The following ZNF107 variants were observed in gnomAD, a reference collection of about 807,000 sequenced individuals.
ZNF107 encodes the protein C2H2 type zinc-finger protein.
A neutral mutation model predicts 12.3 loss-of-function variants in ZNF107; 19 were observed. That is an observed-to-expected ratio of 1.55 (90% confidence interval 1.08 to 2.27). ZNF107 has a LOEUF of 2.27. Among genes scored for constraint, ZNF107 ranks in the 30% most tolerant of loss-of-function variants. The pLI is 0.00. For missense variants in ZNF107, 958 were observed against 979.9 expected (o/e 0.98, Z 0.30); for synonymous variants, 317 against 330.5 (o/e 0.96, Z 0.44).
rs1790666321 is a variant in ZNF107, at chr7:64,706,828, T to C, written c.731T>C (p.Leu244Pro). The C allele has an allele frequency of 6.2e-7, 1 of 1,613,500 alleles. No homozygotes were observed. The highest frequency in any genetic ancestry group is 8.5e-7 in the Non-Finnish European group (1 of 1,179,828). Residue 244 changes from leucine (L) to proline (P), a missense_variant, in exon 4 of 4, where the codon CTT (leucine) becomes CCT (proline). Transcript: ENST00000620827. ...AAAGCCTTTAACCAGTCCTCACAAC[T>C]TACTAGGCATAAGATAATTCATACT... is the stretch of plus-strand genomic sequence containing the variant. ...CGKAFNQSSQ[L>P]TRHKIIHTEE...
chr7:64,700,591 G>A (rs1474062980), intron 3 of ZNF107, among the ~76,000 whole-genome samples: 2 of 137,716 alleles, frequency 1.5e-5, no homozygotes, highest in Admixed American at 8.0e-5. Flanking sequence ...ATAGGCTGGA[G>A]TGCAGTGGCG....
intron 1 of ZNF107, chr7:64,684,589 G>A (rs1203562623): frequency 9.1e-6 from 9 of 985,262 alleles, no homozygotes; most frequent in South Asian, 4.7e-5. Context: ...AAAACTCACC[G>A]AAATCCCTGA....
rs1790113515 is a variant in ZNF107, at chr7:64,691,380, G to C, written c.130+6G>C. ...CAGAAACCTGGTCTTTTTGGGTGAG[G>C]ATAACTTCAATACACAATTCCCAAA... On this transcript the variant is annotated splice_donor_region_variant and intron_variant, in intron 2 of 3. Transcript: ENST00000620827. 2.1e-6 allele frequency: 3 copies of C among 1,459,746 alleles called. No homozygotes were observed. In the East Asian group the frequency reaches 8.1e-5, roughly 39 times the overall value. 90.4% of individuals were successfully genotyped at this position (1,459,746 alleles called of 1,614,324 possible).
rs923894222 is a variant in ZNF107 at position 64,711,225 on chromosome 7, AC to A, written c.*2570del. 6.6e-5 allele frequency: 10 copies of A among 152,174 alleles called. No individual in the cohort carries two copies. The highest frequency in any genetic ancestry group is 2.2e-4 in the African/African-American group (9 of 41,452). The allele number at this position is 152,174 out of a possible 1,614,324, so 9.4% of individuals were successfully genotyped here. ...TCTCTAATAATTATTTTTGCTAGTGACTTTAAACTGCTAATAAAGAATATTG... is the reference window on the plus strand; with the variant it reads ...TCTCTAATAATTATTTTTGCTAGTGATTTAAACTGCTAATAAAGAATATTG... On this transcript the variant is annotated 3_prime_UTR_variant, in exon 4 of 4. Transcript: ENST00000620827.
chr7:64,698,046 C>T (rs1240334779), intron 3 of ZNF107, among the ~76,000 whole-genome samples: 1 of 152,110 alleles, frequency 6.6e-6, no homozygotes, highest in Non-Finnish European at 1.5e-5. Flanking sequence ...ATATGGGTTT[C>T]ATTTTTATTG....
intron 1 of ZNF107, among the ~76,000 whole-genome samples, chr7:64,673,093 G>A (rs1789294002): frequency 6.6e-6 from 1 of 152,128 alleles, no homozygotes; most frequent in Non-Finnish European, 1.5e-5. Context: ...GCCCAGGCTG[G>A]AGTGCAGTGG....
intron 3 of ZNF107, among the ~76,000 whole-genome samples, chr7:64,701,695 C>T (rs1039595592): frequency 2.0e-5 from 3 of 152,040 alleles, no homozygotes; most frequent in African/African-American, 7.2e-5. Flanking sequence ...TCACAACTCG[C>T]TGCAGCCTTA....
chr7:64,698,561 A>G (rs1392963906), intron 3 of ZNF107, among the ~76,000 whole-genome samples: 1 of 151,966 alleles, frequency 6.6e-6, no homozygotes, highest in Admixed American at 6.6e-5. Flanking sequence ...AGCTGGGATT[A>G]CAGGCTCCTG....
At position 64,707,174 on chromosome 7, in the gene ZNF107, G is replaced by C. The variant is rs1790684823; in HGVS notation, c.1077G>C (p.Gln359His). ...ACATATCCTCAAACCTTAATAAACA[G>C]GAGAAAATTCATACTGGAGGGAAAC... ...AFNISSNLNKQEKIHTGGKLN... is the reference protein window; with the variant it reads ...AFNISSNLNKHEKIHTGGKLN... The change falls in exon 4 of 4, where the codon CAG (glutamine) becomes CAC (histidine). Residue 359 changes from glutamine (Q) to histidine (H), a missense_variant. By Grantham distance (24) the Gln-to-His change is conservative. Coordinates refer to ENST00000620827, the MANE Select transcript of ZNF107 (RefSeq NM_001282359.2). 3 of 1,611,904 alleles carry C rather than the reference G, an allele frequency of 1.9e-6. No individual in the cohort carries two copies. In the South Asian group the frequency reaches 3.3e-5, roughly 18 times the overall value.
chr7:64,680,255 T>C (rs1031013589), intron 1 of ZNF107, among the ~76,000 whole-genome samples: 7 of 152,160 alleles, frequency 4.6e-5, no homozygotes, highest in Non-Finnish European at 1.0e-4. Context: ...GGTCAGCCAG[T>C]GTTTAGGTTC....
At position 64,706,545 on chromosome 7, in the gene ZNF107, T is replaced by C; in HGVS notation, c.448T>C (p.Tyr150His). Residue 150 changes from tyrosine to histidine, a missense_variant, in exon 4 of 4, where the codon TAT (tyrosine) becomes CAT (histidine). Coordinates refer to ENST00000620827, the MANE Select transcript of ZNF107 (RefSeq NM_001282359.2). Reference sequence around the variant, plus strand: ...AAGCAAAATATTCCAGTGTAATAAATATGTGAAAGTCTTTGATAAATTTTC... The same window carrying C: ...AAGCAAAATATTCCAGTGTAATAAACATGTGAAAGTCTTTGATAAATTTTC... The part of the protein sequence containing the change: ...TPSKIFQCNK[Y>H]VKVFDKFSNS... 6.2e-7 allele frequency: 1 copy of C among 1,609,032 alleles called. No homozygotes were observed. The highest frequency in any genetic ancestry group is 8.5e-7 in the Non-Finnish European group (1 of 1,178,068).
chr7:64,668,177 TTAAG>T, intron 1 of ZNF107, among the ~76,000 whole-genome samples: 1 of 151,838 alleles, frequency 6.6e-6, no homozygotes, highest in East Asian at 1.9e-4. Context: ...TTATTATACT[TTAAG>T]TTTTAGGGTA....
At chr7:64,691,594 C>T (rs1006176457) in intron 2 of ZNF107, among the ~76,000 whole-genome samples, 2 of 152,136 alleles carry the variant, frequency 1.3e-5, no homozygotes, top group Non-Finnish European at 2.9e-5. Flanking sequence ...GTATTTTTCA[C>T]TCTAGATTAG....
In ZNF107 at chr7:64,707,557, GA is replaced by G; in HGVS notation, c.1464del (p.Ala489LeufsTer97). The G allele has an allele frequency of 3.1e-6, 5 of 1,612,916 alleles. No homozygotes were observed. The highest frequency in any genetic ancestry group is 1.1e-5 in the South Asian group (1 of 91,026). ...GEKPYKCEEC[G>X]KAFNRSSTLT... Reference sequence around the variant, plus strand: ...AAACCATACAAATGTGAAGAATGTGGAAAAGCTTTTAATCGATCCTCAACCC... The same window carrying G: ...AAACCATACAAATGTGAAGAATGTGGAAAGCTTTTAATCGATCCTCAACCC... On this transcript the variant is annotated frameshift_variant, in exon 4 of 4. Transcript: ENST00000620827. LOFTEE classifies it low-confidence loss of function (END_TRUNC).
intron 3 of ZNF107, among the ~76,000 whole-genome samples, chr7:64,699,729 A>G (rs1790404499): frequency 6.6e-6 from 1 of 151,992 alleles, no homozygotes; most frequent in South Asian, 2.1e-4. Context: ...ATTTCATAAG[A>G]CTTGGTTTGA....
intron 3 of ZNF107, among the ~76,000 whole-genome samples, chr7:64,694,033 C>G (rs1254782586): frequency 6.6e-6 from 1 of 152,108 alleles, no homozygotes; most frequent in East Asian, 1.9e-4. Flanking sequence ...GGTGATCCAC[C>G]CATCTCTACC....
At position 64,708,831 on chromosome 7, in the gene ZNF107, T is replaced by G. The variant is rs1247590395; in HGVS notation, c.*175T>G. ...ATGTGGCACAGCTTTTAACTAATCT[T>G]CAAACCTTACTGAAAGTTGAGAAAA... On this transcript the variant is annotated 3_prime_UTR_variant, in exon 4 of 4. Transcript: ENST00000620827. 2 of 704,680 alleles carry G rather than the reference T, an allele frequency of 2.8e-6. No homozygotes were observed. The highest frequency in any genetic ancestry group is 4.6e-6 in the Non-Finnish European group (2 of 430,708). The allele number at this position is 704,680 out of a possible 1,614,324, so 43.7% of individuals were successfully genotyped here.
At chr7:64,703,886 T>C (rs2128967453) in intron 3 of ZNF107, among the ~76,000 whole-genome samples, 1 of 152,254 alleles carries the variant, frequency 6.6e-6, no homozygotes, top group South Asian at 2.1e-4. Flanking sequence ...CCTTTGTGTC[T>C]TTTGATTTTT....
intron 1 of ZNF107, chr7:64,690,243 A>G (rs1790070609): frequency 2.5e-6 from 1 of 400,746 alleles, no homozygotes; most frequent in South Asian, 1.0e-4. Context: ...ATACATATTT[A>G]TCTTATAATA....
Sources: allele counts gnomAD v4.1 joint callset (sites outside exome capture counted in the v4.1 genomes callset), GRCh38; gene constraint gnomAD v4.1.1; transcripts MANE v1.5; gene names NCBI Gene and HGNC (gene_info 2026-07-23, HGNC 2026-07-21).